THSD4: variants seen among roughly 807,000 people sequenced by gnomAD.
THSD4 encodes thrombospondin type-1 domain-containing protein 4.
THSD4 carries 69 observed loss-of-function variants against 119.0 expected under a neutral mutation model. The ratio of observed to expected loss-of-function variants is 0.58; its 90% CI spans 0.48 to 0.71. The LOEUF is 0.71. Among genes scored for constraint, THSD4 ranks in the 30% least tolerant of loss-of-function variants. THSD4 has a pLI of 0.00. For synonymous variants in THSD4, 524 were observed against 540.4 expected (o/e 0.97, Z 0.42); for missense variants, 1,393 against 1,391.1 (o/e 1.00, Z -0.02).
intron 7 of THSD4, among the ~76,000 whole-genome samples, chr15:71,567,513 C>A (rs914262397): frequency 6.6e-6 from 1 of 151,998 alleles, no homozygotes; most frequent in Non-Finnish European, 1.5e-5. Flanking sequence ...TCCACCAGCT[C>A]CTTTTTCATT....
At chr15:71,551,155 C>T (rs1045855982) in intron 7 of THSD4, among the ~76,000 whole-genome samples, 1 of 152,172 alleles carries the variant, frequency 6.6e-6, no homozygotes, top group East Asian at 1.9e-4. Flanking sequence ...GAAATGACTA[C>T]CAGGATATGC....
chr15:71,401,316 A>G (rs2046529040), intron 6 of THSD4, among the ~76,000 whole-genome samples: 1 of 152,190 alleles, frequency 6.6e-6, no homozygotes, highest in South Asian at 2.1e-4. Context: ...TCCCATTATT[A>G]ATAACTGCAC....
chr15:71,216,465 C>G (rs1050444910), intron 4 of THSD4, among the ~76,000 whole-genome samples: 1 of 152,194 alleles, frequency 6.6e-6, no homozygotes, highest in Non-Finnish European at 1.5e-5. Flanking sequence ...AAAGGAGATG[C>G]GACACATCCA....
chr15:71,457,680 A>G (rs2047360063), intron 7 of THSD4, among the ~76,000 whole-genome samples: 1 of 151,746 alleles, frequency 6.6e-6, no homozygotes, highest in Non-Finnish European at 1.5e-5. Flanking sequence ...TCACTCATTC[A>G]CTTCTTCGAT....
chr15:71,695,391 G>A (rs1567105801), intron 8 of THSD4, among the ~76,000 whole-genome samples: 1 of 151,672 alleles, frequency 6.6e-6, no homozygotes, highest in Non-Finnish European at 1.5e-5. Context: ...GTGTGTGCAA[G>A]TTCAGTTCCT....
chr15:71,454,832 A>G (rs1325702752), intron 7 of THSD4, among the ~76,000 whole-genome samples: 1 of 152,236 alleles, frequency 6.6e-6, no homozygotes, highest in East Asian at 1.9e-4. Flanking sequence ...ACAAGAATTC[A>G]TTACTAAGAC....
At chr15:71,327,114 C>G (rs1405316936) in intron 6 of THSD4, among the ~76,000 whole-genome samples, 1 of 151,952 alleles carries the variant, frequency 6.6e-6, no homozygotes, top group Admixed American at 6.6e-5. Context: ...TTGTGGTGAG[C>G]CGAGGTCACA....
chr15:71,336,133 A>G (rs2045486988), intron 6 of THSD4, among the ~76,000 whole-genome samples: 1 of 152,262 alleles, frequency 6.6e-6, no homozygotes, highest in African/African-American at 2.4e-5. Flanking sequence ...GCATGTTCAC[A>G]CACTGTCTCC....
In THSD4 at chr15:71,778,407, C is replaced by T. The variant is rs754509822; in HGVS notation, c.*1033C>T. The T allele has an allele frequency of 5.9e-5, 9 of 152,332 alleles. No homozygotes were observed. The highest frequency in any genetic ancestry group is 8.8e-5 in the Non-Finnish European group (6 of 68,142). The allele number at this position is 152,332 out of a possible 1,614,324, so 9.4% of individuals were successfully genotyped here. A position where few individuals can be genotyped will look rare whatever the true frequency, so the allele number is the denominator to read the frequency against. On this transcript the variant is annotated 3_prime_UTR_variant, in exon 18 of 18. Coordinates refer to ENST00000261862, the MANE Select transcript of THSD4 (RefSeq NM_024817.3). ...AGGTGATTGCCTGAAATTCTTACTC[C>T]GTTCCAAGTGCTGTTCCTCCCAGGA...
chr15:71,346,174 G>T (rs1486737506), intron 6 of THSD4, among the ~76,000 whole-genome samples: 1 of 152,104 alleles, frequency 6.6e-6, no homozygotes, highest in Non-Finnish European at 1.5e-5. Flanking sequence ...GTTGACTTTC[G>T]TGACATGATC....
intron 7 of THSD4, among the ~76,000 whole-genome samples, chr15:71,648,262 G>C (rs1368011503): frequency 1.3e-5 from 2 of 152,128 alleles, no homozygotes; most frequent in Non-Finnish European, 2.9e-5. Flanking sequence ...GAGTGGTCCA[G>C]CCGTAACAGC....
At chr15:71,490,455 G>A (rs912475523) in intron 7 of THSD4, among the ~76,000 whole-genome samples, 3 of 151,900 alleles carry the variant, frequency 2.0e-5, no homozygotes, top group Middle Eastern at 3.4e-3. Context: ...ACCTACTCGG[G>A]AGGCTGAGGC....
At chr15:71,387,782 C>T (rs950112717) in intron 6 of THSD4, among the ~76,000 whole-genome samples, 1 of 152,194 alleles carries the variant, frequency 6.6e-6, no homozygotes, top group Non-Finnish European at 1.5e-5. Flanking sequence ...GCATGTAGCT[C>T]AGAATCCTGG....
chr15:71,392,568 G>A (rs895539899), intron 6 of THSD4, among the ~76,000 whole-genome samples: 4 of 152,120 alleles, frequency 2.6e-5, no homozygotes, highest in African/African-American at 9.7e-5. Context: ...TTGTCTAAAG[G>A]CCTAACCATC....
At chr15:71,623,383 C>T (rs1284047695) in intron 7 of THSD4, among the ~76,000 whole-genome samples, 1 of 152,130 alleles carries the variant, frequency 6.6e-6, no homozygotes, top group Admixed American at 6.5e-5. Context: ...ACTTTAATCC[C>T]GTCTTACAGA....
chr15:71,428,055 C>T (rs1267361412), intron 7 of THSD4, among the ~76,000 whole-genome samples: 1 of 152,132 alleles, frequency 6.6e-6, no homozygotes, highest in Admixed American at 6.5e-5. Flanking sequence ...GGGGTGGTGA[C>T]TGACACTTGT....
chr15:71,566,251 C>G (rs898762735), intron 7 of THSD4, among the ~76,000 whole-genome samples: 2 of 147,894 alleles, frequency 1.4e-5, no homozygotes, highest in African/African-American at 2.5e-5. Context: ...TGTGTGTTTT[C>G]TCTTTACAGG....
chr15:71,125,734 G>C (rs1183487339), intron 1 of THSD4, among the ~76,000 whole-genome samples: 1 of 152,240 alleles, frequency 6.6e-6, no homozygotes, highest in African/African-American at 2.4e-5. Flanking sequence ...GTGTATCTTG[G>C]TTTCAGAGAT....
At chr15:71,235,190 G>A (rs1437888768) in intron 4 of THSD4, among the ~76,000 whole-genome samples, 1 of 152,102 alleles carries the variant, frequency 6.6e-6, no homozygotes, top group East Asian at 1.9e-4. Context: ...TCCACATTTC[G>A]GAGGCTGGCA....
Sources: allele counts gnomAD v4.1 joint callset (sites outside exome capture counted in the v4.1 genomes callset), GRCh38; gene constraint gnomAD v4.1.1; transcripts MANE v1.5; gene names NCBI Gene and HGNC (gene_info 2026-07-23, HGNC 2026-07-21).